The following SP140 variants were observed in gnomAD, a reference collection of about 807,000 sequenced individuals.
SP140 encodes SP140 nuclear body protein.
SP140 carries 81 observed loss-of-function variants against 125.0 expected under a neutral mutation model. The observed-to-expected ratio is 0.65, with a 90% CI of 0.54 to 0.78. SP140 has a LOEUF of 0.78. Among genes scored for constraint, SP140 ranks in the 30% least tolerant of loss-of-function variants. The pLI is 0.00. For synonymous variants in SP140, 312 were observed against 354.0 expected (o/e 0.88, Z 1.33); for missense variants, 858 against 1,037.0 (o/e 0.83, Z 2.37).
At chr2:230,313,680 G>C (rs1284685253), downstream of SP140, among the ~76,000 whole-genome samples, 1 of 152,212 alleles carries the variant, frequency 6.6e-6, no homozygotes, top group Admixed American at 6.5e-5. Flanking sequence ...GCAACCTAAG[G>C]TAATGGCCCC....
At chr2:230,236,475 A>G (rs1466294873) in intron 1 of SP140, among the ~76,000 whole-genome samples, 1 of 152,252 alleles carries the variant, frequency 6.6e-6, no homozygotes, top group Admixed American at 6.5e-5. Context: ...TCTTGCAATT[A>G]TGAAGGCTGG....
upstream of SP140, among the ~76,000 whole-genome samples, chr2:230,201,360 T>C (rs1268400017): frequency 1.3e-5 from 2 of 152,258 alleles, no homozygotes; most frequent in African/African-American, 4.8e-5. Flanking sequence ...TTTCAACCTT[T>C]GTACAGATTG....
chr2:230,245,137 C>A, intron 6 of SP140, 57 bp downstream of exon 6: 2 of 1,119,720 alleles, frequency 1.8e-6, no homozygotes, highest in South Asian at 1.3e-5. Flanking sequence ...TATCTCTATG[C>A]AACCAACACT....
intron 22 of SP140, among the ~76,000 whole-genome samples, chr2:230,298,723 G>A (rs1346434307): frequency 1.3e-5 from 2 of 152,264 alleles, no homozygotes; most frequent in East Asian, 3.9e-4. Flanking sequence ...CCTGCAGCCT[G>A]GAATCACTTG....
chr2:230,254,664 T>C (rs924945665), intron 11 of SP140, among the ~76,000 whole-genome samples: 1 of 152,260 alleles, frequency 6.6e-6, no homozygotes, highest in Admixed American at 6.5e-5. Context: ...AGACTCATTT[T>C]TTCTGCTTTA....
rs745848625 is a variant in SP140 at position 230,259,771 on chromosome 2, C to CATATATATATATATATATATATAT, written c.1240+4241_1240+4264dup. On this transcript the variant is annotated intron_variant, in intron 12 of 26. Coordinates refer to ENST00000392045, the MANE Select transcript of SP140 (RefSeq NM_007237.5). Reference sequence around the variant, plus strand: ...TTTTTATGGCTGCGTAGTATTCCATCATATATATATATATATATATATATA... The same window carrying CATATATATATATATATATATATAT: ...TTTTTATGGCTGCGTAGTATTCCATCATATATATATATATATATATATATATATATATATATATATATATATATA... 5.4e-3 allele frequency among the ~76,000 whole-genome samples: 458 copies of CATATATATATATATATATATATAT among 85,096 alleles called. 10 individuals carry two copies. The highest frequency in any genetic ancestry group is 0.012 in the Middle Eastern group (2 of 172). The allele number at this position is 85,096 out of a possible 152,430, so 55.8% of individuals were successfully genotyped here. A position where few individuals can be genotyped will look rare whatever the true frequency, so the allele number is the denominator to read the frequency against.
chr2:230,190,734 T>C, the SP140 span, among the ~76,000 whole-genome samples: 1 of 152,230 alleles, frequency 6.6e-6, no homozygotes, highest in Non-Finnish European at 1.5e-5. Context: ...ATTTTTTGTA[T>C]AAGATGTGAG....
intron 19 of SP140, among the ~76,000 whole-genome samples, 187 bp from the exon 20 acceptor site, chr2:230,292,459 G>C (rs1255520735): frequency 6.6e-6 from 1 of 152,188 alleles, no homozygotes; most frequent in African/African-American, 2.4e-5. Context: ...ACCCCCACCA[G>C]GAAATATCCT....
chr2:230,307,990 TAC>T (rs139416979), intron 22 of SP140, among the ~76,000 whole-genome samples: 4,717 of 51,964 alleles, frequency 0.091, 407 homozygotes, highest in East Asian at 0.3. Context: ...TATATATATA[TAC>T]ACACACACAC....
chr2:230,227,819 G>A (rs533108927), intron 1 of SP140, among the ~76,000 whole-genome samples: 1 of 152,096 alleles, frequency 6.6e-6, no homozygotes, highest in African/African-American at 2.4e-5. Context: ...TCTTTGTTAG[G>A]CTGGCTAGAG....
intron 6 of SP140, 146 bp from the exon 7 acceptor site, chr2:230,245,714 TAGA>T (rs1362891475): frequency 3.1e-5 from 19 of 605,656 alleles, no homozygotes; most frequent in South Asian, 2.8e-4. Flanking sequence ...GACAAGGTGC[TAGA>T]AGAAGTAGAG....
At chr2:230,287,988 A>C (rs1219959176) in intron 18 of SP140, 22 bp downstream of exon 18, 7 of 1,572,632 alleles carry the variant, frequency 4.5e-6, no homozygotes, top group Non-Finnish European at 5.2e-6. Context: ...AACAGGAATG[A>C]ACTTTCAATA....
At chr2:230,199,155 T>A (rs1300289442), upstream of SP140, among the ~76,000 whole-genome samples, 59 of 108,408 alleles carry the variant, frequency 5.4e-4, no homozygotes, top group African/African-American at 2.5e-3. Context: ...ATTATTTTTT[T>A]TTTTTTTTAG....
intron 12 of SP140, among the ~76,000 whole-genome samples, chr2:230,256,172 G>A (rs1321920712): frequency 6.6e-6 from 1 of 151,854 alleles, no homozygotes; most frequent in African/African-American, 2.4e-5. Flanking sequence ...CCCATTACTG[G>A]GTATATACCC....
intron 4 of SP140, among the ~76,000 whole-genome samples, chr2:230,242,382 C>G (rs769108252): frequency 6.6e-6 from 1 of 152,106 alleles, no homozygotes; most frequent in Admixed American, 6.6e-5. Flanking sequence ...TTCCATTAAC[C>G]GTAAGTTTTC....
chr2:230,206,598 TA>T (rs1559169576), intron 1 of SP140, among the ~76,000 whole-genome samples: 37 of 31,286 alleles, frequency 1.2e-3, no homozygotes, highest in Non-Finnish European at 1.4e-3. Flanking sequence ...CCAGATTTTA[TA>T]TATATATATA....
intron 12 of SP140, among the ~76,000 whole-genome samples, chr2:230,262,016 T>A (rs945125253): frequency 2.0e-5 from 3 of 152,186 alleles, no homozygotes. Context: ...TGGAATAGTG[T>A]CAAAAGGATT....
chr2:230,296,775 C>T (rs1208703655), intron 21 of SP140, among the ~76,000 whole-genome samples: 2 of 152,098 alleles, frequency 1.3e-5, no homozygotes, highest in Non-Finnish European at 2.9e-5. Flanking sequence ...ACACAAAGGC[C>T]AAGTTTAGGA....
rs1015216068 is a variant in SP140, at chr2:230,207,535, T to C, written c.-323+4256T>C. On this transcript the variant is annotated intron_variant, in intron 1 of 4. Coordinates refer to the SP140 transcript ENST00000456542. ...AACCTCTAAAGGAACAGGTCAATAATTGAACTCTAAGAGTTATCCCCCAAT... is the reference window on the plus strand; with the variant it reads ...AACCTCTAAAGGAACAGGTCAATAACTGAACTCTAAGAGTTATCCCCCAAT... 5.3e-5 allele frequency among the ~76,000 whole-genome samples: 8 copies of C among 152,324 alleles called. No individual in the cohort carries two copies. In the South Asian group the frequency reaches 6.2e-4, roughly 12 times the overall value.
Sources: gnomAD v4.1 joint callset for allele counts (sites outside exome capture counted in the v4.1 genomes callset) on GRCh38, gnomAD v4.1.1 for gene constraint, MANE v1.5 for transcripts, NCBI Gene and HGNC (gene_info 2026-07-23, HGNC 2026-07-21) for gene names.